Variants in PIWIL2 observed in about 807,000 individuals in gnomAD.
PIWIL2 encodes the protein piwi-like protein 2.
A neutral mutation model predicts 116.5 loss-of-function variants in PIWIL2; 81 were observed. The ratio of observed to expected loss-of-function variants is 0.70; its 90% CI spans 0.58 to 0.84. The LOEUF (loss-of-function observed/expected upper bound fraction) is 0.84. Among genes scored for constraint, PIWIL2 ranks in the 40% least tolerant of loss-of-function variants. PIWIL2 has a pLI of 0.00. For synonymous variants in PIWIL2, 489 were observed against 429.5 expected, an observed-to-expected ratio of 1.14 and a Z score of -1.71; for missense variants, 1,272 against 1,212.3, an observed-to-expected ratio of 1.05 and a Z score of -0.73.
chr8:22,281,334 G>T (rs373757810), intron 3 of PIWIL2, 43 bp from the exon 4 acceptor site: 1 of 1,586,182 alleles, frequency 6.3e-7, no homozygotes, highest in African/African-American at 1.4e-5. Flanking sequence ...TTTAAAACAC[G>T]TTTAAGTCAT....
At chr8:22,308,108 A>G (rs570662105) in intron 14 of PIWIL2, 35 bp downstream of exon 14, 123 of 1,559,876 alleles carry the variant, frequency 7.9e-5, no homozygotes, top group Admixed American at 4.6e-4. Flanking sequence ...ATGCACATGT[A>G]CAGAGACACG....
chr8:22,279,646 G>T, intron 2 of PIWIL2, 62 bp downstream of exon 2: 1 of 1,488,334 alleles, frequency 6.7e-7, no homozygotes, highest in Admixed American at 1.7e-5. Flanking sequence ...GTCAGAGGAA[G>T]TAATGGATTT....
chr8:22,284,428 T>C (rs572245641), intron 6 of PIWIL2, among the ~76,000 whole-genome samples, 156 bp downstream of exon 6: 18 of 152,298 alleles, frequency 1.2e-4, no homozygotes, highest in Middle Eastern at 3.4e-3. Flanking sequence ...TTAAGGTTAA[T>C]CTTAAACTTT....
At chr8:22,302,588 T>C (rs979960728) in intron 10 of PIWIL2, among the ~76,000 whole-genome samples, 1 of 152,174 alleles carries the variant, frequency 6.6e-6, no homozygotes, top group East Asian at 1.9e-4. Flanking sequence ...TTCCTTATTA[T>C]CATTTTTTAA....
chr8:22,322,309 G>T (rs954881709), intron 20 of PIWIL2, among the ~76,000 whole-genome samples: 4 of 151,664 alleles, frequency 2.6e-5, no homozygotes, highest in Admixed American at 2.6e-4. Context: ...GGAGTGTAGA[G>T]TCACAGTCTC....
At chr8:22,355,067 CAAAA>C (rs775081187) in intron 22 of PIWIL2, among the ~76,000 whole-genome samples, 1 of 101,206 alleles carries the variant, frequency 9.9e-6, no homozygotes, top group Admixed American at 1.1e-4. Context: ...AAGACTCTGT[CAAAA>C]AAAAAAAACA....
At chr8:22,352,639 A>G (rs887496683) in intron 20 of PIWIL2, among the ~76,000 whole-genome samples, 2 of 152,202 alleles carry the variant, frequency 1.3e-5, no homozygotes, top group Non-Finnish European at 2.9e-5. Context: ...AAATTGATTC[A>G]GCCTGCAGTT....
rs918103321 is a variant in PIWIL2, at chr8:22,296,985, C to CT, written c.1181+6649dup. 5.7e-4 allele frequency among the ~76,000 whole-genome samples: 84 copies of CT among 148,608 alleles called. 1 individual carries two copies. In the East Asian group the frequency reaches 6.5e-3, roughly 11 times the overall value. On this transcript the variant is annotated intron_variant, in intron 10 of 22. Transcript: ENST00000356766. ...AATATTTTCTGGCTTACATTCTTTC[C>CT]TTTTTTTTTTATTTTTATTTTTTGA...
intron 20 of PIWIL2, among the ~76,000 whole-genome samples, chr8:22,337,683 T>C (rs1412081467): frequency 6.6e-6 from 1 of 151,622 alleles, no homozygotes; most frequent in Non-Finnish European, 1.5e-5. Flanking sequence ...TAAGCTGAGA[T>C]TGTGCCATTG....
chr8:22,351,680 G>T (rs916447283), intron 20 of PIWIL2, among the ~76,000 whole-genome samples: 2 of 150,490 alleles, frequency 1.3e-5, no homozygotes, highest in African/African-American at 4.9e-5. Context: ...TGGGACTACA[G>T]GTGTGCACCA....
At chr8:22,325,753 G>C (rs1306632980) in intron 20 of PIWIL2, among the ~76,000 whole-genome samples, 1 of 152,026 alleles carries the variant, frequency 6.6e-6, no homozygotes, top group Non-Finnish European at 1.5e-5. Flanking sequence ...CAAAGTGCTG[G>C]GATTACAGGT....
At chr8:22,353,904 T>C in intron 21 of PIWIL2, among the ~76,000 whole-genome samples, 1 of 151,118 alleles carries the variant, frequency 6.6e-6, no homozygotes, top group Admixed American at 6.7e-5. Flanking sequence ...GCCTCCTGAG[T>C]AGCTGGGACA....
At chr8:22,320,375 C>A (rs1831569728) in intron 20 of PIWIL2, among the ~76,000 whole-genome samples, 1 of 146,936 alleles carries the variant, frequency 6.8e-6, no homozygotes, top group African/African-American at 2.5e-5. Context: ...TCAAGCAATT[C>A]AACTGCCTCA....
In PIWIL2 at chr8:22,308,068, C is replaced by T. The variant is rs79402595; in HGVS notation, c.1681C>T (p.His561Tyr). 3,139 of 1,613,072 alleles carry T rather than the reference C, an allele frequency of 1.9e-3. 69 individuals carry two copies. The African/African-American group carries it at 0.036, about 18-fold the overall frequency. Residue 561 changes from histidine (H) to tyrosine (Y), a missense_variant, in exon 14 of 23, where the codon CAT becomes TAT. His to Tyr is a moderately conservative substitution (Grantham distance 83). Coordinates refer to ENST00000356766, the MANE Select transcript of PIWIL2 (RefSeq NM_018068.5). ...GGGGCTCCGTCTGCAAAAGGATGTA[C>T]ATAAGGTAAACCAAAAAACGTGATG... ...RWGLRLQKDV[H>Y]KIEGRVLPME...
chr8:22,329,549 AGCTCACTTATCACCAG>A (rs1831809810), intron 20 of PIWIL2, among the ~76,000 whole-genome samples: 1 of 152,236 alleles, frequency 6.6e-6, no homozygotes, highest in Non-Finnish European at 1.5e-5. Context: ...TCAAAGCAAG[AGCTCACTTATCACCAG>A]GGGATGGCCC....
intron 10 of PIWIL2, among the ~76,000 whole-genome samples, chr8:22,299,548 C>G (rs1055896449): frequency 1.3e-5 from 2 of 152,112 alleles, no homozygotes; most frequent in African/African-American, 2.4e-5. Flanking sequence ...CCACCTTATT[C>G]TACACTCAGT....
intron 20 of PIWIL2, among the ~76,000 whole-genome samples, chr8:22,350,368 G>A (rs1341000665): frequency 6.6e-6 from 1 of 152,124 alleles, no homozygotes; most frequent in Non-Finnish European, 1.5e-5. Flanking sequence ...GGCCAAGGCA[G>A]GCAGATCACT....
chr8:22,353,362 T>G lies in PIWIL2; in HGVS notation c.2657+150T>G. The G allele has an allele frequency of 5.5e-6, 4 of 731,318 alleles. 1 individual carries two copies. The South Asian group carries it at 8.2e-5, about 15-fold the overall frequency. The allele number at this position is 731,318 out of a possible 1,614,324, so 45.3% of individuals were successfully genotyped here. ...AAAAGAATGAAGGTTTAAAAAATATTTAAGGGCCTGGCATGGTGGCTCACG... is the reference window on the plus strand; with the variant it reads ...AAAAGAATGAAGGTTTAAAAAATATGTAAGGGCCTGGCATGGTGGCTCACG... On this transcript the variant is annotated intron_variant, in intron 21 of 22. Coordinates refer to ENST00000356766, the MANE Select transcript of PIWIL2 (RefSeq NM_018068.5).
intron 20 of PIWIL2, among the ~76,000 whole-genome samples, chr8:22,346,306 A>G (rs1832225200): frequency 6.6e-6 from 1 of 152,224 alleles, no homozygotes. Flanking sequence ...TTCAAAATAA[A>G]AAGCACTCCT....
Sources: allele counts gnomAD v4.1 joint callset (sites outside exome capture counted in the v4.1 genomes callset), GRCh38; gene constraint gnomAD v4.1.1; transcripts MANE v1.5; gene names NCBI Gene and HGNC (gene_info 2026-07-23, HGNC 2026-07-21).